The following SEMA6D variants were observed in gnomAD, a reference collection of about 807,000 sequenced individuals.
The protein encoded by SEMA6D is semaphorin-6D.
SEMA6D carries 35 observed loss-of-function variants against 106.6 expected under a neutral mutation model. That is an observed-to-expected ratio of 0.33 (90% CI 0.25 to 0.44). The LOEUF (loss-of-function observed/expected upper bound fraction) is 0.44, where lower values mean the gene tolerates loss of function less well. Among genes scored for constraint, SEMA6D ranks in the 20% least tolerant of loss-of-function variants. The probability of loss-of-function intolerance (pLI) is 1.00; values close to 1 mark genes in which losing one functional copy is unlikely to be tolerated. For missense variants in SEMA6D, 1,185 were observed against 1,345.9 expected, an observed-to-expected ratio of 0.88 and a Z score of 1.87; for synonymous variants, 499 against 487.7, an observed-to-expected ratio of 1.02 and a Z score of -0.31.
chr15:47,644,166 C>T (rs17326895), intron 4 of SEMA6D, among the ~76,000 whole-genome samples: 16,698 of 152,120 alleles, frequency 0.11, 1,219 homozygotes, highest in Middle Eastern at 0.17. Context: ...GTGCACCATT[C>T]TTTATTCTCC....
intron 3 of SEMA6D, among the ~76,000 whole-genome samples, chr15:47,559,908 C>A (rs1346713492): frequency 6.6e-6 from 1 of 152,022 alleles, no homozygotes; most frequent in Admixed American, 6.6e-5. Flanking sequence ...CAACTTTTGA[C>A]CAATCTTGGG....
chr15:47,651,890 C>T (rs1194548875), intron 4 of SEMA6D, among the ~76,000 whole-genome samples: 2 of 152,190 alleles, frequency 1.3e-5, no homozygotes, highest in African/African-American at 2.4e-5. Flanking sequence ...CCAGTCACTC[C>T]CTTATGCTTT....
At chr15:47,401,846 T>C (rs182389151) in intron 1 of SEMA6D, among the ~76,000 whole-genome samples, 3 of 152,348 alleles carry the variant, frequency 2.0e-5, no homozygotes, top group African/African-American at 7.2e-5. Flanking sequence ...GTCTGTGCGT[T>C]CATACCACCC....
At chr15:47,250,816 G>C (rs2033475394) in intron 1 of SEMA6D, among the ~76,000 whole-genome samples, 1 of 152,234 alleles carries the variant, frequency 6.6e-6, no homozygotes, top group African/African-American at 2.4e-5. Context: ...ATTTGACACA[G>C]TTGTGGAAAC....
At chr15:47,302,840 CA>C (rs556956277) in intron 1 of SEMA6D, among the ~76,000 whole-genome samples, 154 of 152,288 alleles carry the variant, frequency 1.0e-3, no homozygotes, top group African/African-American at 3.7e-3. Context: ...TGGAGAGACC[CA>C]TGTTATACTT....
intron 1 of SEMA6D, among the ~76,000 whole-genome samples, chr15:47,400,709 C>T (rs2040371314): frequency 6.6e-6 from 1 of 152,182 alleles, no homozygotes; most frequent in African/African-American, 2.4e-5. Context: ...TCGAAGGATA[C>T]TCAGTGTATC....
At chr15:47,685,890 C>T (rs540431548) in intron 4 of SEMA6D, among the ~76,000 whole-genome samples, 1 of 152,234 alleles carries the variant, frequency 6.6e-6, no homozygotes, top group East Asian at 1.9e-4. Context: ...AACTCAAAAC[C>T]AGAGGGAAAC....
chr15:47,334,968 A>G (rs60083773), intron 1 of SEMA6D, among the ~76,000 whole-genome samples: 22,670 of 152,118 alleles, frequency 0.15, 2,200 homozygotes, highest in African/African-American at 0.26. Context: ...GAGACTTCCG[A>G]GTCAGGCCTT....
intron 1 of SEMA6D, among the ~76,000 whole-genome samples, chr15:47,277,609 A>ATTATTATTAT (rs374326382): frequency 1.9e-3 from 248 of 128,600 alleles, no homozygotes; most frequent in African/African-American, 6.0e-3. Context: ...TATTATTATT[A>ATTATTATTAT]TTATTTATTA....
intron 1 of SEMA6D, among the ~76,000 whole-genome samples, chr15:47,245,029 T>TG (rs1445783192): frequency 9.8e-6 from 1 of 101,602 alleles, no homozygotes; most frequent in Non-Finnish European, 2.3e-5. Flanking sequence ...GACATGATTT[T>TG]GTTTTTTTTT....
intron 1 of SEMA6D, among the ~76,000 whole-genome samples, chr15:47,225,252 T>C (rs570678744): frequency 6.6e-6 from 1 of 152,160 alleles, no homozygotes; most frequent in Admixed American, 6.6e-5. Context: ...TCAAGGTGGC[T>C]GTATCATTTT....
intron 1 of SEMA6D, among the ~76,000 whole-genome samples, chr15:47,192,641 TAAAAC>T (rs1020879141): frequency 2.6e-5 from 4 of 151,928 alleles, no homozygotes; most frequent in Admixed American, 6.6e-5. Flanking sequence ...AAAAGAAAAA[TAAAAC>T]AATACTGTAC....
At chr15:47,251,637 A>G (rs2033517056) in intron 1 of SEMA6D, among the ~76,000 whole-genome samples, 1 of 152,184 alleles carries the variant, frequency 6.6e-6, no homozygotes, top group Non-Finnish European at 1.5e-5. Context: ...ATAACACATT[A>G]TAAAAGTTCA....
At chr15:47,553,780 A>T (rs938141602) in intron 3 of SEMA6D, among the ~76,000 whole-genome samples, 5 of 152,156 alleles carry the variant, frequency 3.3e-5, no homozygotes, top group African/African-American at 9.7e-5. Context: ...GAATTAGTGC[A>T]TTACATATGA....
intron 3 of SEMA6D, among the ~76,000 whole-genome samples, chr15:47,547,147 T>G (rs1326168967): frequency 6.6e-6 from 1 of 152,158 alleles, no homozygotes; most frequent in East Asian, 1.9e-4. Flanking sequence ...GATTATTATT[T>G]CTTATACATC....
intron 1 of SEMA6D, among the ~76,000 whole-genome samples, chr15:47,233,433 A>G (rs908854096): frequency 7.2e-5 from 11 of 151,992 alleles, no homozygotes; most frequent in Non-Finnish European, 1.5e-4. Flanking sequence ...TTGAATTTTC[A>G]TATGAATTTT....
intron 1 of SEMA6D, among the ~76,000 whole-genome samples, chr15:47,731,846 G>A (rs1007931487): frequency 5.3e-5 from 8 of 151,998 alleles, no homozygotes; most frequent in African/African-American, 1.9e-4. Context: ...GCTATACATA[G>A]GTGTATGTAA....
chr15:47,481,114 C>T (rs1407502580), intron 3 of SEMA6D, among the ~76,000 whole-genome samples: 1 of 152,144 alleles, frequency 6.6e-6, no homozygotes, highest in Admixed American at 6.6e-5. Flanking sequence ...TTTGTAGGTG[C>T]TCAGTACATT....
chr15:47,392,434 T>C (rs1038257367), intron 1 of SEMA6D, among the ~76,000 whole-genome samples: 7 of 152,044 alleles, frequency 4.6e-5, no homozygotes, highest in African/African-American at 1.4e-4. Context: ...TTTTTATAAA[T>C]CAAAGAAGGA....
Sources: allele counts gnomAD v4.1 joint callset (sites outside exome capture counted in the v4.1 genomes callset), GRCh38; gene constraint gnomAD v4.1.1; transcripts MANE v1.5; gene names NCBI Gene and HGNC (gene_info 2026-07-23, HGNC 2026-07-21).